FAM227B: variants seen among roughly 807,000 people sequenced by gnomAD.
FAM227B encodes the protein family with sequence similarity 227 member B.
A neutral mutation model predicts 73.8 loss-of-function variants in FAM227B; 88 were observed. The observed-to-expected ratio is 1.19, with a 90% confidence interval of 1.00 to 1.42. The LOEUF (loss-of-function observed/expected upper bound fraction) is 1.42, where lower values mean the gene tolerates loss of function less well. Among genes scored for constraint, FAM227B ranks in the 40% most tolerant of loss-of-function variants. FAM227B has a pLI of 0.00. For missense variants in FAM227B, 632 were observed against 590.9 expected, an observed-to-expected ratio of 1.07 and a Z score of -0.72; for synonymous variants, 210 against 190.5, an observed-to-expected ratio of 1.10 and a Z score of -0.84.
At position 49,328,615 on chromosome 15, in the gene FAM227B, A is replaced by C. The variant is rs1420319558; in HGVS notation, c.1480T>G (p.Ser494Ala). The change falls in exon 16 of 16, where the codon TCA becomes GCA. Residue 494 changes from serine to alanine, a missense_variant. Physicochemically the swap from Ser to Ala is moderately conservative, Grantham distance 99 (BLOSUM62 1). Transcript: ENST00000299338. ...VASLSSSSSS[S>A]PSSTDNYNFE... ...TTGTAGTTGTCTGTTGATGATGGTG[A>C]TGATGATGATGATGACGATAGTGAT... is the stretch of plus-strand genomic sequence containing the variant. 2 of 1,560,176 alleles carry C rather than the reference A, an allele frequency of 1.3e-6. No homozygotes were observed. Among genetic ancestry groups the C allele is most frequent in the African/African-American group, 1.4e-5 (1 of 73,984 alleles).
At chr15:49,467,353 C>T (rs2054360237) in intron 11 of FAM227B, among the ~76,000 whole-genome samples, 1 of 152,086 alleles carries the variant, frequency 6.6e-6, no homozygotes, top group Admixed American at 6.6e-5. Flanking sequence ...CTAGCCCCAT[C>T]AAATTCTGCT....
At chr15:49,386,256 C>T (rs115154893) in intron 11 of FAM227B, among the ~76,000 whole-genome samples, 3,308 of 151,094 alleles carry the variant, frequency 0.022, 92 homozygotes, top group South Asian at 0.078. Flanking sequence ...GGCCATAAAA[C>T]AAATCTCAAT....
chr15:49,608,016 A>C (rs896123553), intron 3 of FAM227B, among the ~76,000 whole-genome samples: 2 of 152,216 alleles, frequency 1.3e-5, no homozygotes, highest in East Asian at 1.9e-4. Context: ...AGCAGCTAAC[A>C]GGCAGATTAG....
At chr15:49,614,759 C>T (rs961746946) in intron 2 of FAM227B, 5 of 232,688 alleles carry the variant, frequency 2.1e-5, no homozygotes, top group African/African-American at 8.9e-5. Context: ...ATCATGATTG[C>T]CTAACTGACT....
chr15:49,394,684 T>G lies in FAM227B; in HGVS notation c.1013-23285A>C, dbSNP rs371400889. ...CTGAAAAGGAAGAATTGCAAAAGAG[T>G]TGAAGGTGAGTGCAAATAAATAACT... On this transcript the variant is annotated intron_variant, in intron 11 of 15. Transcript: ENST00000299338. Among the ~76,000 whole-genome samples the G allele has an allele frequency of 2.0e-5, 3 of 151,874 alleles. No homozygotes were observed. In the East Asian group the frequency reaches 5.8e-4, roughly 29 times the overall value.
At chr15:49,467,789 A>G (rs560196323) in intron 11 of FAM227B, among the ~76,000 whole-genome samples, 30 of 152,268 alleles carry the variant, frequency 2.0e-4, no homozygotes, top group African/African-American at 7.2e-4. Context: ...TGATTCAGGG[A>G]ATATATCTTC....
At chr15:49,611,586 A>G (rs1471634392) in intron 2 of FAM227B, among the ~76,000 whole-genome samples, 1 of 152,220 alleles carries the variant, frequency 6.6e-6, no homozygotes, top group Non-Finnish European at 1.5e-5. Flanking sequence ...TTGGGCTATC[A>G]TGGATAGCCT....
chr15:49,459,582 CTCT>C, intron 11 of FAM227B, among the ~76,000 whole-genome samples: 1 of 152,130 alleles, frequency 6.6e-6, no homozygotes, highest in Non-Finnish European at 1.5e-5. Flanking sequence ...CTTGTTTTAT[CTCT>C]TCAATATTTT....
intron 11 of FAM227B, among the ~76,000 whole-genome samples, chr15:49,439,617 T>C (rs1324350256): frequency 1.3e-5 from 2 of 151,720 alleles, no homozygotes; most frequent in East Asian, 3.9e-4. Context: ...AATAAGTTTG[T>C]GGAATAAGCT....
At chr15:49,416,331 T>A (rs1320158579) in intron 11 of FAM227B, among the ~76,000 whole-genome samples, 1 of 152,016 alleles carries the variant, frequency 6.6e-6, no homozygotes, top group Non-Finnish European at 1.5e-5. Context: ...TAAGTAAGAT[T>A]GGTTATATGG....
intron 11 of FAM227B, among the ~76,000 whole-genome samples, chr15:49,494,942 A>C (rs955445254): frequency 1.3e-5 from 2 of 152,208 alleles, no homozygotes; most frequent in Non-Finnish European, 2.9e-5. Context: ...TCTAATACCT[A>C]AGCATGATAC....
At chr15:49,422,815 C>T in intron 11 of FAM227B, 1 of 1,050,502 alleles carries the variant, frequency 9.5e-7, no homozygotes, top group Non-Finnish European at 1.4e-6. Flanking sequence ...TGCTTTAAGG[C>T]ACTCATATGT....
intron 11 of FAM227B, chr15:49,483,194 C>G: frequency 1.9e-6 from 3 of 1,592,020 alleles, no homozygotes; most frequent in Non-Finnish European, 2.6e-6. Flanking sequence ...TTGTGGCAAT[C>G]AAAGGGGTGG....
chr15:49,380,579 A>G (rs538377992), intron 11 of FAM227B, among the ~76,000 whole-genome samples: 1 of 152,228 alleles, frequency 6.6e-6, no homozygotes, highest in Non-Finnish European at 1.5e-5. Flanking sequence ...AAAAATTCAA[A>G]ATATTACTTA....
At chr15:49,582,472 C>T (rs1270088687) in intron 5 of FAM227B, among the ~76,000 whole-genome samples, 1 of 152,184 alleles carries the variant, frequency 6.6e-6, no homozygotes. Context: ...AACCCAGATT[C>T]ATAAAGCAAG....
chr15:49,446,486 A>G (rs1172252504), intron 11 of FAM227B, among the ~76,000 whole-genome samples: 1 of 151,584 alleles, frequency 6.6e-6, no homozygotes, highest in Non-Finnish European at 1.5e-5. Context: ...GAAAGAGAAT[A>G]TTTCTGGGTG....
At position 49,331,836 on chromosome 15, in the gene FAM227B, C is replaced by T. The variant is rs769064358; in HGVS notation, c.1363G>A (p.Ala455Thr). Residue 455 changes from alanine to threonine, a missense_variant, in exon 15 of 16, where the codon GCT becomes ACT. Transcript: ENST00000299338. ...TTCACTTCATGAGGTTTCTTGGTAG[C>T]CTTTGCTTGGAGTCTAATCATGGAA... ...QKDFRILQAK[A>T]TKKPHEVKQD... 6.2e-7 allele frequency: 1 copy of T among 1,609,262 alleles called. No individual in the cohort carries two copies. Among genetic ancestry groups the T allele is most frequent in the East Asian group, 2.2e-5 (1 of 44,822 alleles).
chr15:49,553,346 A>G (rs2073264248), intron 9 of FAM227B, among the ~76,000 whole-genome samples: 1 of 152,226 alleles, frequency 6.6e-6, no homozygotes. Flanking sequence ...TCCTGTGGCT[A>G]TCACCATTAT....
intron 10 of FAM227B, among the ~76,000 whole-genome samples, chr15:49,532,535 G>A (rs993428480): frequency 6.6e-6 from 1 of 151,010 alleles, no homozygotes; most frequent in African/African-American, 2.4e-5. Flanking sequence ...TTCTTTGGTG[G>A]AAAATTAGAC....
Sources: allele counts gnomAD v4.1 joint callset (sites outside exome capture counted in the v4.1 genomes callset), GRCh38; gene constraint gnomAD v4.1.1; transcripts MANE v1.5; gene names NCBI Gene and HGNC (gene_info 2026-07-23, HGNC 2026-07-21).